BMP1: variants seen among roughly 807,000 people sequenced by gnomAD.
BMP1 encodes the protein mammalian tolloid protein.
A neutral mutation model predicts 116.8 loss-of-function variants in BMP1; 63 were observed. That is an observed-to-expected ratio of 0.54 (90% CI 0.44 to 0.67). BMP1 has a LOEUF of 0.67. Ranked by LOEUF, BMP1 falls within the 30% of genes least tolerant of loss-of-function variation. The pLI is 0.00. For synonymous variants in BMP1, 536 were observed against 533.4 expected (o/e 1.00, Z -0.07); for missense variants, 1,183 against 1,358.9 (o/e 0.87, Z 2.04).
chr8:22,177,601 T>C (rs745657512), intron 5 of BMP1: 5 of 753,740 alleles, frequency 6.6e-6, no homozygotes, highest in Middle Eastern at 2.3e-4. Context: ...TTCTCAGCTG[T>C]GGCTCTAGAA....
chr8:22,190,428 G>A (rs1390610124), intron 8 of BMP1, among the ~76,000 whole-genome samples: 10 of 152,190 alleles, frequency 6.6e-5, no homozygotes, highest in African/African-American at 2.4e-4. Flanking sequence ...CCTGGGTGCA[G>A]TGGGTTGAAA....
At position 22,194,287 on chromosome 8, in the gene BMP1, C is replaced by G. The variant is rs921703514; in HGVS notation, c.1297+113C>G. 1.5e-5 allele frequency: 22 copies of G among 1,455,174 alleles called. No individual in the cohort carries two copies. The African/African-American group carries it at 2.7e-4, about 18-fold the overall frequency. The allele number at this position is 1,455,174 out of a possible 1,614,324, so 90.1% of individuals were successfully genotyped here. On this transcript the variant is annotated intron_variant, in intron 10 of 19. Transcript: ENST00000306385. The surrounding 1 kb of genome is among the most constrained non-coding windows in gnomAD (Gnocchi z 4.5). ...GATTGTGGGTTCCCAAGGGAAGAAG[C>G]AGAGAGAATGATGGGATTGCCTGGG...
chr8:22,177,734 T>G (rs1586441227), intron 5 of BMP1, 118 bp from the exon 6 acceptor site: 1 of 801,130 alleles, frequency 1.2e-6, no homozygotes, highest in Non-Finnish European at 2.1e-6. Context: ...GACCCTCAGG[T>G]AGGGGGACTC....
chr8:22,174,477 G>T (rs1828372954), intron 2 of BMP1, among the ~76,000 whole-genome samples: 1 of 152,100 alleles, frequency 6.6e-6, no homozygotes, highest in African/African-American at 2.4e-5. Context: ...CCTGGGCTGT[G>T]TCTGTTCTTT....
Position 22,179,918 on chromosome 8 carries a change from A to G in BMP1, c.961+89A>G. 1.5e-6 allele frequency: 2 copies of G among 1,377,224 alleles called. No homozygotes were observed. The highest frequency in any genetic ancestry group is 2.0e-6 in the Non-Finnish European group (2 of 1,007,682). 85.3% of individuals were successfully genotyped at this position (1,377,224 alleles called of 1,614,324 possible). A position where few individuals can be genotyped will look rare whatever the true frequency, so the allele number is the denominator to read the frequency against. ...GTGCCTGGTGCCACCAAGAAGGCTT[A>G]GGCTGCAAGTCTTAGAGAATGGTGT... On this transcript the variant is annotated intron_variant, in intron 7 of 19. Transcript: ENST00000306385. This position sits in a 1 kb window ranked among gnomAD's most constrained non-coding sequence, Gnocchi z 4.6.
intron 15 of BMP1, 51 bp from the exon 16 acceptor site, chr8:22,201,752 A>T: frequency 6.2e-7 from 1 of 1,605,802 alleles, no homozygotes. Context: ...GGGGCATCCC[A>T]ACCTCAGCCC....
intron 8 of BMP1, among the ~76,000 whole-genome samples, chr8:22,186,225 C>A (rs1828767565): frequency 6.6e-6 from 1 of 152,228 alleles, no homozygotes; most frequent in African/African-American, 2.4e-5. Context: ...TGTGCTGGAT[C>A]CTACCCTAAG....
At chr8:22,180,292 G>C in intron 7 of BMP1, 76 bp from the exon 8 acceptor site, 1 of 1,226,182 alleles carries the variant, frequency 8.2e-7, no homozygotes, top group Non-Finnish European at 1.2e-6. Context: ...GGATGCCAAG[G>C]TTCAGGGGTG....
intron 8 of BMP1, 73 bp from the exon 9 acceptor site, chr8:22,191,976 T>C (rs1586457726): frequency 7.3e-7 from 1 of 1,377,600 alleles, no homozygotes; most frequent in African/African-American, 1.4e-5. Context: ...CGGGCGGTGG[T>C]CATCATGGGG....
At chr8:22,198,860 C>A in intron 15 of BMP1, 1 of 981,106 alleles carries the variant, frequency 1.0e-6, no homozygotes, top group Non-Finnish European at 1.3e-6. Flanking sequence ...CTGAGACCCT[C>A]CCCATGCCAG....
chr8:22,190,417 C>T (rs1170238711), intron 8 of BMP1, among the ~76,000 whole-genome samples: 1 of 152,110 alleles, frequency 6.6e-6, no homozygotes, highest in East Asian at 1.9e-4. Flanking sequence ...AGTGGCATTG[C>T]CCTGGGTGCA....
intron 9 of BMP1, among the ~76,000 whole-genome samples, chr8:22,192,646 C>T (rs1190253046): frequency 2.0e-5 from 3 of 152,206 alleles, no homozygotes; most frequent in South Asian, 2.1e-4. Flanking sequence ...CACTGGGCGC[C>T]GTGGCCCGAC....
rs1454394878 is a variant in BMP1, at chr8:22,181,043, G to T, written c.1077+560G>T. ...TGGGAACAATTAAGGAATGATGCAG[G>T]CGCCTCCAGCAGGATGCTGCCTGGT... On this transcript the variant is annotated intron_variant, in intron 8 of 19. Coordinates refer to ENST00000306385, the MANE Select transcript of BMP1 (RefSeq NM_006129.5). Among the ~76,000 whole-genome samples the T allele has an allele frequency of 2.6e-5, 4 of 152,310 alleles. No homozygotes were observed. The East Asian group carries it at 7.7e-4, about 29-fold the overall frequency.
chr8:22,186,493 A>C (rs1002934221), intron 8 of BMP1, among the ~76,000 whole-genome samples: 2 of 151,822 alleles, frequency 1.3e-5, no homozygotes, highest in African/African-American at 4.8e-5. Context: ...TTTGAGATGG[A>C]GTCTCACTCT....
chr8:22,167,783 TGA>T (rs1388870157), intron 1 of BMP1, among the ~76,000 whole-genome samples: 2 of 152,154 alleles, frequency 1.3e-5, no homozygotes, highest in Admixed American at 6.5e-5. Flanking sequence ...CTCTCGGGTG[TGA>T]CTGATGCTTG....
intron 1 of BMP1, among the ~76,000 whole-genome samples, chr8:22,167,301 A>G (rs1440718294): frequency 6.6e-6 from 1 of 152,180 alleles, no homozygotes; most frequent in Non-Finnish European, 1.5e-5. Context: ...CTTACAGTCC[A>G]GTAGGGACCC....
intron 2 of BMP1, 77 bp downstream of exon 2, chr8:22,173,792 C>T: frequency 8.6e-7 from 1 of 1,159,732 alleles, no homozygotes; most frequent in Non-Finnish European, 1.2e-6. Flanking sequence ...TCTCCCTGTT[C>T]CCAGCCAGGC....
intron 15 of BMP1, chr8:22,199,033 G>A (rs754076319): frequency 3.0e-6 from 4 of 1,342,846 alleles, no homozygotes; most frequent in South Asian, 1.2e-5. Context: ...CTTGGAGGGG[G>A]CAGGGGACCG....
At chr8:22,193,938 ATG>A (rs1227435047) in intron 9 of BMP1, 118 bp from the exon 10 acceptor site, 2 of 773,668 alleles carry the variant, frequency 2.6e-6, no homozygotes, top group Admixed American at 2.1e-5. Flanking sequence ...AGTCTTGGGA[ATG>A]TGTGAAGTAG....
Sources: allele counts gnomAD v4.1 joint callset (sites outside exome capture counted in the v4.1 genomes callset), GRCh38; gene constraint gnomAD v4.1.1; non-coding constraint Gnocchi (gnomAD v3.1); transcripts MANE v1.5; gene names NCBI Gene and HGNC (gene_info 2026-07-23, HGNC 2026-07-21).